MTREX: variants seen among roughly 807,000 people sequenced by gnomAD.
MTREX encodes the protein exosome RNA helicase MTR4.
In MTREX, 76 loss-of-function variants were observed where a neutral mutation model predicts 135.4. The ratio of observed to expected loss-of-function variants is 0.56; its 90% CI spans 0.47 to 0.68. The LOEUF (loss-of-function observed/expected upper bound fraction) is 0.68. MTREX is among the 30% of genes least tolerant of loss of function. The pLI is 0.00. For missense variants in MTREX, 920 were observed against 1,262.1 expected, an observed-to-expected ratio of 0.73 and a Z score of 4.11; for synonymous variants, 404 against 401.6, an observed-to-expected ratio of 1.01 and a Z score of -0.07.
chr5:55,387,899 C>G (rs1750503709), intron 18 of MTREX, 75 bp from the exon 19 acceptor site: 1 of 1,414,014 alleles, frequency 7.1e-7, no homozygotes, highest in Non-Finnish European at 9.5e-7. Flanking sequence ...GAAAATAGTT[C>G]CTATACAGAT....
chr5:55,355,580 G>T (rs1749898407), intron 14 of MTREX, among the ~76,000 whole-genome samples: 1 of 152,196 alleles, frequency 6.6e-6, no homozygotes, highest in Admixed American at 6.5e-5. Flanking sequence ...TGGACCCTGG[G>T]GCAACCCTGC....
At chr5:55,348,474 T>C (rs544368269) in intron 11 of MTREX, among the ~76,000 whole-genome samples, 2 of 152,310 alleles carry the variant, frequency 1.3e-5, no homozygotes, top group East Asian at 3.9e-4. Flanking sequence ...CCCGATTATC[T>C]TTCAACTCTG....
chr5:55,339,106 T>G (rs183050157), intron 5 of MTREX, among the ~76,000 whole-genome samples: 1 of 152,286 alleles, frequency 6.6e-6, no homozygotes, highest in Admixed American at 6.5e-5. Flanking sequence ...CTGTAGACTT[T>G]CCATTTGATT....
At chr5:55,361,798 G>T (rs1750015381) in intron 15 of MTREX, among the ~76,000 whole-genome samples, 1 of 149,320 alleles carries the variant, frequency 6.7e-6, no homozygotes, top group Non-Finnish European at 1.5e-5. Flanking sequence ...TCCCTTTGTT[G>T]CCCAGGCTGA....
chr5:55,358,523 T>G, intron 14 of MTREX, 50 bp from the exon 15 acceptor site: 1 of 1,481,566 alleles, frequency 6.7e-7, no homozygotes, highest in East Asian at 2.4e-5. Context: ...AAGAATATGT[T>G]TTTTACCAGT....
chr5:55,425,289 C>A lies in MTREX; in HGVS notation c.*517C>A. ...GTATGAGAGTCCTCCTCTTTTCTTT[C>A]TTTAAAAGAAGTTCTTTCTTTGAAG... On this transcript the variant is annotated 3_prime_UTR_variant, in exon 27 of 27. Transcript: ENST00000230640. The A allele has an allele frequency of 6.2e-7, 1 of 1,609,866 alleles. No homozygotes were observed. Among genetic ancestry groups the A allele is most frequent in the Non-Finnish European group, 8.5e-7 (1 of 1,176,610 alleles).
At chr5:55,353,645 G>T (rs147062871) in intron 14 of MTREX, among the ~76,000 whole-genome samples, 3 of 152,166 alleles carry the variant, frequency 2.0e-5, no homozygotes, top group Non-Finnish European at 1.5e-5. Flanking sequence ...CAAGGCTCCA[G>T]TGAGCTGTGA....
At chr5:55,387,681 C>G (rs1750500205) in intron 18 of MTREX, among the ~76,000 whole-genome samples, 1 of 152,084 alleles carries the variant, frequency 6.6e-6, no homozygotes, top group African/African-American at 2.4e-5. Flanking sequence ...AATTTTCTGA[C>G]ACTGAAAATT....
At chr5:55,352,906 A>G (rs1749850762) in intron 13 of MTREX, among the ~76,000 whole-genome samples, 1 of 152,198 alleles carries the variant, frequency 6.6e-6, no homozygotes, top group South Asian at 2.1e-4. Flanking sequence ...ACCAGTGTGT[A>G]TTCTCTCTAG....
chr5:55,338,707 T>C (rs182903763), intron 5 of MTREX, among the ~76,000 whole-genome samples: 86 of 151,482 alleles, frequency 5.7e-4, no homozygotes, highest in African/African-American at 2.0e-3. Flanking sequence ...TGTTCATTGA[T>C]AACAGTCATC....
intron 5 of MTREX, among the ~76,000 whole-genome samples, chr5:55,338,205 TAATA>T (rs1749584593): frequency 1.3e-5 from 2 of 152,218 alleles, no homozygotes; most frequent in African/African-American, 2.4e-5. Context: ...GAAAGGTTTT[TAATA>T]AATATTTCTT....
intron 14 of MTREX, among the ~76,000 whole-genome samples, chr5:55,355,391 C>T (rs1410323001): frequency 6.6e-6 from 1 of 152,174 alleles, no homozygotes; most frequent in East Asian, 1.9e-4. Flanking sequence ...CCTCAAGGGT[C>T]CCATTCCCCA....
At chr5:55,351,770 A>T (rs921159600) in intron 13 of MTREX, among the ~76,000 whole-genome samples, 4 of 152,258 alleles carry the variant, frequency 2.6e-5, no homozygotes, top group East Asian at 3.9e-4. Context: ...ATTGATATTT[A>T]TACCAAGAAA....
intron 25 of MTREX, among the ~76,000 whole-genome samples, chr5:55,419,391 C>T (rs999918475): frequency 6.6e-5 from 10 of 152,166 alleles, no homozygotes; most frequent in African/African-American, 2.4e-4. Context: ...GGCTAGTTAA[C>T]ACTGTAATGA....
chr5:55,315,640 T>C (rs942942480), intron 1 of MTREX, among the ~76,000 whole-genome samples: 1 of 152,152 alleles, frequency 6.6e-6, no homozygotes, highest in African/African-American at 2.4e-5. Context: ...GCTCTCAGAA[T>C]AGAACTATTT....
intron 18 of MTREX, among the ~76,000 whole-genome samples, chr5:55,381,167 G>A (rs899856490): frequency 7.2e-5 from 11 of 151,994 alleles, no homozygotes; most frequent in Non-Finnish European, 2.9e-5. Flanking sequence ...TCTGGGTAAA[G>A]TTTGTCAATT....
rs575475683 is a variant in MTREX, at chr5:55,413,127, G to A, written c.2752-1055G>A. ...GAGGCTGAGGCGGGCAGATCATGAG[G>A]TCAGGAGTCGACACCAGTCTGACCA... On this transcript the variant is annotated intron_variant, in intron 23 of 26. Coordinates refer to ENST00000230640, the MANE Select transcript of MTREX (RefSeq NM_015360.5). 5.3e-5 allele frequency among the ~76,000 whole-genome samples: 8 copies of A among 152,024 alleles called. No homozygotes were observed. The South Asian group carries it at 1.7e-3, about 32-fold the overall frequency.
At chr5:55,314,507 T>C (rs1749166922) in intron 1 of MTREX, among the ~76,000 whole-genome samples, 1 of 152,182 alleles carries the variant, frequency 6.6e-6, no homozygotes, top group African/African-American at 2.4e-5. Flanking sequence ...GGGCTCTGGC[T>C]GACTTTAAAG....
chr5:55,405,510 G>A lies in MTREX; in HGVS notation c.2567G>A (p.Arg856His), dbSNP rs775779945. Reference sequence around the variant, plus strand: ...ATGGATGAACTCAAATGTCGCAAACGTGTTTTAAGAAGGTTGGGATTTGCT... The same window carrying A: ...ATGGATGAACTCAAATGTCGCAAACATGTTTTAAGAAGGTTGGGATTTGCT... ...LQMDELKCRK[R>H]VLRRLGFATS... The change falls in exon 22 of 27, where the codon CGT (arginine) becomes CAT (histidine). Residue 856 changes from arginine to histidine, a missense_variant. Transcript: ENST00000230640. 5 of 1,613,954 alleles carry A rather than the reference G, an allele frequency of 3.1e-6. No homozygotes were observed. Among genetic ancestry groups the A allele is most frequent in the East Asian group, 2.2e-5 (1 of 44,862 alleles).
Sources: allele counts gnomAD v4.1 joint callset (sites outside exome capture counted in the v4.1 genomes callset), GRCh38; gene constraint gnomAD v4.1.1; transcripts MANE v1.5; gene names NCBI Gene and HGNC (gene_info 2026-07-23, HGNC 2026-07-21).